Variants in COMMD1 observed in about 807,000 individuals in gnomAD.
COMMD1 encodes the protein copper metabolism domain containing 1.
A neutral mutation model predicts 17.2 loss-of-function variants in COMMD1; 10 were observed. The observed-to-expected ratio is 0.58, with a 90% CI of 0.36 to 0.99. COMMD1 has a LOEUF of 0.99. Ranked by LOEUF, COMMD1 falls within the 50% of genes least tolerant of loss-of-function variation. The pLI, the probability that COMMD1 is intolerant of heterozygous loss-of-function variation, is 0.01. For missense variants in COMMD1, 270 were observed against 231.8 expected, an observed-to-expected ratio of 1.17 and a Z score of -1.07; for synonymous variants, 97 against 91.6, an observed-to-expected ratio of 1.06 and a Z score of -0.34.
chr2:62,013,802 T>C (rs558194922), intron 2 of COMMD1, among the ~76,000 whole-genome samples: 1 of 152,344 alleles, frequency 6.6e-6, no homozygotes, highest in African/African-American at 2.4e-5. Flanking sequence ...ACAGTCTTAT[T>C]GCAGTGTTGA....
intron 2 of COMMD1, among the ~76,000 whole-genome samples, chr2:62,003,634 A>ACACACACACACACC (rs1669028689): frequency 3.3e-5 from 5 of 150,914 alleles, no homozygotes; most frequent in African/African-American, 1.2e-4. Flanking sequence ...ACACACACAC[A>ACACACACACACACC]CACACACCCA....
At chr2:62,129,464 G>A (rs1672967447) in intron 2 of COMMD1, among the ~76,000 whole-genome samples, 1 of 152,112 alleles carries the variant, frequency 6.6e-6, no homozygotes, top group Non-Finnish European at 1.5e-5. Flanking sequence ...AAGGAAGTTG[G>A]GTGATCTTTT....
intron 1 of COMMD1, among the ~76,000 whole-genome samples, chr2:61,919,383 G>A (rs959394676): frequency 6.6e-6 from 1 of 151,798 alleles, no homozygotes; most frequent in African/African-American, 2.4e-5. Context: ...TGGTGCCATC[G>A]CAGCTCACTG....
chr2:62,098,162 C>CTTTTTTTTT (rs1212972398), intron 2 of COMMD1, among the ~76,000 whole-genome samples: 6 of 125,840 alleles, frequency 4.8e-5, no homozygotes, highest in East Asian at 4.6e-4. Context: ...TCCTTTCTTT[C>CTTTTTTTTT]TTTTTTTTTT....
intron 2 of COMMD1, among the ~76,000 whole-genome samples, chr2:62,016,329 C>T (rs1669448200): frequency 6.6e-6 from 1 of 151,140 alleles, no homozygotes; most frequent in South Asian, 2.1e-4. Context: ...CCACCTCAGC[C>T]ACCTGAGTAG....
At chr2:61,896,912 C>G (rs941110376) in intron 1 of COMMD1, among the ~76,000 whole-genome samples, 3 of 151,316 alleles carry the variant, frequency 2.0e-5, no homozygotes, top group Admixed American at 1.3e-4. Context: ...TCACTGCAAC[C>G]TCCGCCTCCC....
chr2:61,888,412 C>A (rs1338177393), upstream of COMMD1: 3 of 1,613,252 alleles, frequency 1.9e-6, no homozygotes, highest in South Asian at 3.3e-5. Context: ...TGAAGCGGAT[C>A]TGGGCTGGCT....
At chr2:61,978,969 A>G (rs1671879827) in intron 1 of COMMD1, among the ~76,000 whole-genome samples, 1 of 152,174 alleles carries the variant, frequency 6.6e-6, no homozygotes, top group South Asian at 2.1e-4. Context: ...GAAACAATCA[A>G]TTACACTCTT....
At chr2:61,910,858 T>C (rs12479028) in intron 1 of COMMD1, among the ~76,000 whole-genome samples, 17,920 of 150,308 alleles carry the variant, frequency 0.12, 2,483 homozygotes, top group African/African-American at 0.34. Flanking sequence ...CCGGGTCAGG[T>C]GGATCACCTG....
intron 1 of COMMD1, among the ~76,000 whole-genome samples, chr2:61,917,356 TAAA>T (rs746867252): frequency 7.2e-6 from 1 of 138,570 alleles, no homozygotes; most frequent in Non-Finnish European, 1.6e-5. Flanking sequence ...GACTCCAGTT[TAAA>T]AAAAAAAAAA....
intron 2 of COMMD1, chr2:62,069,628 A>C (rs1407295739): frequency 6.6e-6 from 1 of 152,206 alleles, no homozygotes; most frequent in African/African-American, 2.4e-5. Flanking sequence ...TGGGGCCTGA[A>C]GGACAAACCC....
At chr2:61,913,349 A>T (rs1394717122) in intron 1 of COMMD1, among the ~76,000 whole-genome samples, 1 of 142,096 alleles carries the variant, frequency 7.0e-6, no homozygotes, top group East Asian at 2.1e-4. Flanking sequence ...CCTGGGCAAC[A>T]GAGTGAGACT....
At chr2:61,911,034 G>T (rs928237176) in intron 1 of COMMD1, among the ~76,000 whole-genome samples, 1 of 151,380 alleles carries the variant, frequency 6.6e-6, no homozygotes, top group African/African-American at 2.4e-5. Context: ...GGTGAGCCGA[G>T]ATCGCGCCAT....
intron 2 of COMMD1, among the ~76,000 whole-genome samples, chr2:62,076,284 T>G (rs1311313412): frequency 6.6e-6 from 1 of 152,190 alleles, no homozygotes. Context: ...GAAAGGATGA[T>G]TGTCAGACGA....
At chr2:62,063,606 A>G (rs905229217) in intron 2 of COMMD1, among the ~76,000 whole-genome samples, 2 of 152,094 alleles carry the variant, frequency 1.3e-5, no homozygotes, top group African/African-American at 2.4e-5. Context: ...TACATTAACT[A>G]CTGTAATTAC....
intron 2 of COMMD1, among the ~76,000 whole-genome samples, chr2:62,102,465 TA>T (rs1043663615): frequency 1.1e-4 from 16 of 152,190 alleles, no homozygotes; most frequent in African/African-American, 3.9e-4. Flanking sequence ...CTGTCTGAAT[TA>T]AACCTTTTCT....
chr2:62,021,003 C>T (rs910675252), intron 2 of COMMD1, among the ~76,000 whole-genome samples: 4 of 100,984 alleles, frequency 4.0e-5, no homozygotes, highest in African/African-American at 1.4e-4. Flanking sequence ...AAGTCCGTCT[C>T]AAAAAAAAAA....
intron 2 of COMMD1, among the ~76,000 whole-genome samples, chr2:62,116,544 C>T (rs375727613): frequency 2.6e-5 from 4 of 151,796 alleles, no homozygotes; most frequent in South Asian, 2.1e-4. Flanking sequence ...TGGAGGCATG[C>T]GCCTATAGTC....
At chr2:62,135,642 C>T (rs1380132664) in intron 2 of COMMD1, among the ~76,000 whole-genome samples, 189 bp from the exon 3 acceptor site, 4 of 152,280 alleles carry the variant, frequency 2.6e-5, no homozygotes, top group East Asian at 1.9e-4. Context: ...TGAGCCACTG[C>T]GCCTGGCATA....
Sources: gnomAD v4.1 joint callset for allele counts (sites outside exome capture counted in the v4.1 genomes callset) on GRCh38, gnomAD v4.1.1 for gene constraint, MANE v1.5 for transcripts, NCBI Gene and HGNC (gene_info 2026-07-23, HGNC 2026-07-21) for gene names.